Variants in HMGCLL1 observed in about 807,000 individuals in gnomAD.
The protein encoded by HMGCLL1 is 3-hydroxy-3-methylglutaryl-CoA lyase like 1.
HMGCLL1 carries 36 observed loss-of-function variants against 39.1 expected under a neutral mutation model. That is an observed-to-expected ratio of 0.92 (90% confidence interval 0.71 to 1.22). The LOEUF (loss-of-function observed/expected upper bound fraction) is 1.22, where lower values mean the gene tolerates loss of function less well. HMGCLL1 is among the 50% of genes most tolerant of loss of function. The pLI is 0.00. For synonymous variants in HMGCLL1, 149 were observed against 144.0 expected, an observed-to-expected ratio of 1.03 and a Z score of -0.25; for missense variants, 451 against 416.5, an observed-to-expected ratio of 1.08 and a Z score of -0.72.
chr6:55,485,594 C>T (rs1204925285), intron 7 of HMGCLL1, among the ~76,000 whole-genome samples: 1 of 151,642 alleles, frequency 6.6e-6, no homozygotes, highest in Admixed American at 6.6e-5. Context: ...ATATAAATAG[C>T]TCTTAAAATT....
chr6:55,657,927 G>A, the HMGCLL1 span, among the ~76,000 whole-genome samples: 2 of 151,832 alleles, frequency 1.3e-5, no homozygotes, highest in Admixed American at 6.6e-5. Flanking sequence ...GTGGAAGGAG[G>A]GGGGAGGATC....
chr6:55,613,153 T>G, the HMGCLL1 span, among the ~76,000 whole-genome samples: 1 of 152,142 alleles, frequency 6.6e-6, no homozygotes, highest in Non-Finnish European at 1.5e-5. Context: ...CAGACAGTTC[T>G]CAAAAGAAGA....
At chr6:55,488,296 ATACT>A (rs1429718873) in intron 7 of HMGCLL1, among the ~76,000 whole-genome samples, 4 of 152,104 alleles carry the variant, frequency 2.6e-5, no homozygotes, top group African/African-American at 9.7e-5. Flanking sequence ...ACAGTTAATC[ATACT>A]TACACAGATT....
At chr6:55,611,330 C>T in the HMGCLL1 span, among the ~76,000 whole-genome samples, 2 of 152,178 alleles carry the variant, frequency 1.3e-5, no homozygotes, top group Middle Eastern at 3.4e-3. Context: ...AATAGACACC[C>T]TAACATCACA....
chr6:55,638,591 T>A, the HMGCLL1 span, among the ~76,000 whole-genome samples: 1 of 151,938 alleles, frequency 6.6e-6, no homozygotes, highest in Non-Finnish European at 1.5e-5. Context: ...CTGAAATGAG[T>A]CCTGGATTCT....
At chr6:55,488,235 GTATTACT>G (rs1164173928) in intron 7 of HMGCLL1, among the ~76,000 whole-genome samples, 1 of 152,004 alleles carries the variant, frequency 6.6e-6, no homozygotes, top group African/African-American at 2.4e-5. Flanking sequence ...TTATAAAATA[GTATTACT>G]TAACCTGAAA....
chr6:55,489,974 C>T (rs1390730514), intron 7 of HMGCLL1, among the ~76,000 whole-genome samples: 5 of 151,944 alleles, frequency 3.3e-5, no homozygotes, highest in African/African-American at 1.2e-4. Context: ...TTGAAGTACC[C>T]GTTAGGAGGA....
the HMGCLL1 span, among the ~76,000 whole-genome samples, chr6:55,655,551 G>GATAGATAA: frequency 6.7e-6 from 1 of 150,150 alleles, no homozygotes; most frequent in African/African-American, 2.4e-5. Flanking sequence ...TAGATAGATA[G>GATAGATAA]ATAGATAGAT....
At chr6:55,604,819 C>T in the HMGCLL1 span, among the ~76,000 whole-genome samples, 38 of 152,296 alleles carry the variant, frequency 2.5e-4, no homozygotes, top group African/African-American at 5.5e-4. Context: ...TAATCCCCAA[C>T]ATTCACACAG....
At chr6:55,637,869 G>T in the HMGCLL1 span, among the ~76,000 whole-genome samples, 13 of 152,184 alleles carry the variant, frequency 8.5e-5, no homozygotes, top group Middle Eastern at 3.4e-3. Context: ...TGTCACAACA[G>T]TGGCTTTGTA....
At chr6:55,544,357 A>C (rs1474657381) in intron 1 of HMGCLL1, among the ~76,000 whole-genome samples, 3 of 152,150 alleles carry the variant, frequency 2.0e-5, no homozygotes, top group Non-Finnish European at 4.4e-5. Context: ...TCAGAAGCAT[A>C]CTCCATCTTT....
chr6:55,650,084 C>CATATAT, the HMGCLL1 span, among the ~76,000 whole-genome samples: 1 of 48,040 alleles, frequency 2.1e-5, no homozygotes, highest in African/African-American at 8.1e-5. Flanking sequence ...TATACACACA[C>CATATAT]ATATACATAT....
At chr6:55,518,740 AG>A (rs1270654924) in intron 3 of HMGCLL1, among the ~76,000 whole-genome samples, 1 of 152,144 alleles carries the variant, frequency 6.6e-6, no homozygotes, top group African/African-American at 2.4e-5. Context: ...GCCAATAGTC[AG>A]TGTCACCCCC....
At chr6:55,606,544 A>T in the HMGCLL1 span, among the ~76,000 whole-genome samples, 1 of 152,068 alleles carries the variant, frequency 6.6e-6, no homozygotes, top group African/African-American at 2.4e-5. Flanking sequence ...TCTTCTATAC[A>T]GTATAAACTA....
At chr6:55,653,447 A>T in the HMGCLL1 span, among the ~76,000 whole-genome samples, 17 of 152,210 alleles carry the variant, frequency 1.1e-4, no homozygotes, top group Non-Finnish European at 2.1e-4. Flanking sequence ...TTAGAGAAAA[A>T]ATACATTTTT....
the HMGCLL1 span, among the ~76,000 whole-genome samples, chr6:55,665,447 G>C: frequency 6.6e-6 from 1 of 151,624 alleles, no homozygotes; most frequent in Non-Finnish European, 1.5e-5. Flanking sequence ...TTCATAATTA[G>C]GCTGTTCTTT....
At chr6:55,541,876 G>T (rs1043703504) in intron 2 of HMGCLL1, 40 bp from the exon 3 acceptor site, 1 of 1,172,702 alleles carries the variant, frequency 8.5e-7, no homozygotes, top group Non-Finnish European at 1.2e-6. Context: ...AATTGTATAG[G>T]TCCTATTTAA....
chr6:55,661,057 G>T, the HMGCLL1 span, among the ~76,000 whole-genome samples: 7 of 151,862 alleles, frequency 4.6e-5, no homozygotes, highest in Non-Finnish European at 1.0e-4. Flanking sequence ...ACTTTTTAAT[G>T]GGGTTGTTTG....
the HMGCLL1 span, among the ~76,000 whole-genome samples, chr6:55,614,781 GAATTCTTACAATAAAAATCTGTCA>G: frequency 6.6e-6 from 1 of 151,974 alleles, no homozygotes; most frequent in East Asian, 1.9e-4. Flanking sequence ...AAAACTTCAA[GAATTCTTACAATAAAAATCTGTCA>G]TTCGGTCTAA....
Sources: allele counts gnomAD v4.1 joint callset (sites outside exome capture counted in the v4.1 genomes callset), GRCh38; gene constraint gnomAD v4.1.1; transcripts MANE v1.5; gene names NCBI Gene and HGNC (gene_info 2026-07-23, HGNC 2026-07-21).